BNC2: variants seen among roughly 807,000 people sequenced by gnomAD.
BNC2 encodes the protein basonuclin zinc finger protein 2, also known as zinc finger protein basonuclin-2.
BNC2 carries 20 observed loss-of-function variants against 76.3 expected under a neutral mutation model. The ratio of observed to expected loss-of-function variants is 0.26; its 90% confidence interval spans 0.18 to 0.38. The LOEUF (loss-of-function observed/expected upper bound fraction) is 0.38. BNC2 is among the 10% of genes least tolerant of loss of function. The pLI is 1.00. For missense variants in BNC2, 1,382 were observed against 1,399.8 expected, an observed-to-expected ratio of 0.99 and a Z score of 0.20; for synonymous variants, 582 against 514.8, an observed-to-expected ratio of 1.13 and a Z score of -1.77.
chr9:16,842,117 A>G (rs771838143), intron 1 of BNC2, among the ~76,000 whole-genome samples: 25 of 152,286 alleles, frequency 1.6e-4, no homozygotes, highest in Non-Finnish European at 2.6e-4. Flanking sequence ...CCTGCAAGAC[A>G]TTATTTAATG....
chr9:16,689,561 TG>T (rs1823089979), intron 3 of BNC2, among the ~76,000 whole-genome samples: 1 of 151,966 alleles, frequency 6.6e-6, no homozygotes, highest in Non-Finnish European at 1.5e-5. Flanking sequence ...AGATCAGTTC[TG>T]AAGTGTATGT....
At chr9:16,717,782 T>G (rs1824033012) in intron 3 of BNC2, among the ~76,000 whole-genome samples, 1 of 152,200 alleles carries the variant, frequency 6.6e-6, no homozygotes, top group Non-Finnish European at 1.5e-5. Context: ...AGGCTTATAT[T>G]GAAGCTCATT....
intron 6 of BNC2, among the ~76,000 whole-genome samples, chr9:16,421,507 A>G (rs1332707654): frequency 6.6e-6 from 1 of 152,228 alleles, no homozygotes; most frequent in African/African-American, 2.4e-5. Flanking sequence ...GATCAGCTGT[A>G]TAATCCAAAA....
At chr9:16,859,009 C>CA (rs1819331791) in intron 1 of BNC2, among the ~76,000 whole-genome samples, 1 of 151,726 alleles carries the variant, frequency 6.6e-6, no homozygotes, top group South Asian at 2.1e-4. Context: ...TCAACAACAA[C>CA]AAAAAAAGCC....
chr9:16,736,126 C>T (rs1035997804), intron 2 of BNC2, among the ~76,000 whole-genome samples: 33 of 150,910 alleles, frequency 2.2e-4, no homozygotes, highest in African/African-American at 8.0e-4. Context: ...CCCAGCTACT[C>T]GGGAAGCTGA....
chr9:16,593,163 T>C (rs1396209196), intron 3 of BNC2, among the ~76,000 whole-genome samples: 9 of 151,824 alleles, frequency 5.9e-5, no homozygotes, highest in Admixed American at 1.3e-4. Flanking sequence ...TTTACTGTGA[T>C]GAAAAAAATT....
intron 5 of BNC2, among the ~76,000 whole-genome samples, chr9:16,439,140 T>C (rs1821077530): frequency 6.6e-6 from 1 of 152,168 alleles, no homozygotes; most frequent in South Asian, 2.1e-4. Context: ...TCTGCCATGA[T>C]TGTGGGGCCT....
At chr9:16,681,403 TG>T (rs1822816919) in intron 3 of BNC2, among the ~76,000 whole-genome samples, 1 of 152,116 alleles carries the variant, frequency 6.6e-6, no homozygotes, top group Non-Finnish European at 1.5e-5. Flanking sequence ...CTGGCAGATG[TG>T]GAAAGGAGAT....
At chr9:16,510,577 T>A (rs533564690) in intron 5 of BNC2, among the ~76,000 whole-genome samples, 11 of 152,332 alleles carry the variant, frequency 7.2e-5, no homozygotes, top group African/African-American at 2.6e-4. Flanking sequence ...GCTCTTCAAA[T>A]ACAAGACCTA....
chr9:16,480,178 C>T (rs986312873), intron 5 of BNC2, among the ~76,000 whole-genome samples: 3 of 152,168 alleles, frequency 2.0e-5, no homozygotes, highest in African/African-American at 2.4e-5. Flanking sequence ...GAGTCAAAGA[C>T]CTCACAAGTG....
chr9:16,751,648 G>GTATATATA (rs1695818168), intron 1 of BNC2, among the ~76,000 whole-genome samples: 1 of 104,868 alleles, frequency 9.5e-6, no homozygotes, highest in African/African-American at 3.4e-5. Flanking sequence ...ATATGTATGT[G>GTATATATA]TGTATATATA....
chr9:16,452,088 G>T (rs1821352407), intron 5 of BNC2, among the ~76,000 whole-genome samples: 1 of 152,210 alleles, frequency 6.6e-6, no homozygotes, highest in Non-Finnish European at 1.5e-5. Flanking sequence ...GACCAATGGT[G>T]CAGGGAGGCA....
At chr9:16,501,975 C>A (rs762154716) in intron 5 of BNC2, among the ~76,000 whole-genome samples, 6 of 152,210 alleles carry the variant, frequency 3.9e-5, no homozygotes, top group Non-Finnish European at 8.8e-5. Context: ...AAATGCATTT[C>A]TAATTTGTAA....
chr9:16,779,280 C>T (rs1035054255), intron 1 of BNC2, among the ~76,000 whole-genome samples: 8 of 137,144 alleles, frequency 5.8e-5, no homozygotes, highest in South Asian at 2.4e-4. Flanking sequence ...CTCCAGCCTG[C>T]GTGACAGAGA....
chr9:16,589,510 T>TTTGTCTGC (rs1011404300), intron 3 of BNC2, among the ~76,000 whole-genome samples: 26 of 150,092 alleles, frequency 1.7e-4, no homozygotes, highest in African/African-American at 5.2e-4. Context: ...TGTTTGTTTG[T>TTTGTCTGC]TTGTTTGTTT....
chr9:16,424,941 C>A (rs1016666163), intron 6 of BNC2, among the ~76,000 whole-genome samples: 5 of 152,040 alleles, frequency 3.3e-5, no homozygotes, highest in African/African-American at 1.2e-4. Context: ...TGACACTATA[C>A]CTTTCTGTAA....
chr9:16,586,780 C>T (rs1350246929), intron 3 of BNC2, among the ~76,000 whole-genome samples: 1 of 152,150 alleles, frequency 6.6e-6, no homozygotes, highest in Non-Finnish European at 1.5e-5. Context: ...ATGGCAGTGT[C>T]CCTGTGATCA....
At chr9:16,701,345 C>T (rs192065915) in intron 3 of BNC2, among the ~76,000 whole-genome samples, 39 of 152,280 alleles carry the variant, frequency 2.6e-4, no homozygotes, top group Non-Finnish European at 4.3e-4. Flanking sequence ...GATTTGGAAT[C>T]AACTTTGCTG....
Position 16,702,377 on chromosome 9 carries a change from G to A in BNC2, c.330+25420C>T, listed in dbSNP as rs978862022. 3.9e-5 allele frequency among the ~76,000 whole-genome samples: 6 copies of A among 152,140 alleles called. No homozygotes were observed. In the South Asian group the frequency reaches 1.2e-3, roughly 32 times the overall value. ...GAAAAGATTATACAAAAGTAAACAG[G>A]ATCCAACAGAATCGGCCAACTTTAC... On this transcript the variant is annotated intron_variant, in intron 3 of 6. Coordinates refer to ENST00000380672, the MANE Select transcript of BNC2 (RefSeq NM_017637.6).
Sources: allele counts gnomAD v4.1 joint callset (sites outside exome capture counted in the v4.1 genomes callset), GRCh38; gene constraint gnomAD v4.1.1; transcripts MANE v1.5; gene names NCBI Gene and HGNC (gene_info 2026-07-23, HGNC 2026-07-21).